Variants in PACS1 observed in about 807,000 individuals in gnomAD.
PACS1 encodes PACS-1.
PACS1 carries 24 observed loss-of-function variants against 115.0 expected under a neutral mutation model. The ratio of observed to expected loss-of-function variants is 0.21; its 90% CI spans 0.15 to 0.29. PACS1 has a LOEUF of 0.29. Ranked by LOEUF, PACS1 falls within the 10% of genes least tolerant of loss-of-function variation. The probability of loss-of-function intolerance (pLI) is 1.00; values close to 1 mark genes in which losing one functional copy is unlikely to be tolerated. For synonymous variants in PACS1, 453 were observed against 504.5 expected (o/e 0.90, Z 1.37); for missense variants, 838 against 1,251.2 (o/e 0.67, Z 4.98).
intron 1 of PACS1, among the ~76,000 whole-genome samples, chr11:66,169,707 G>A (rs1328106646): frequency 1.3e-5 from 2 of 149,222 alleles, no homozygotes; most frequent in Non-Finnish European, 2.9e-5. Flanking sequence ...GAGTCACTGT[G>A]CCCGGCTATT....
chr11:66,240,116 C>T (rs1394032217), intron 21 of PACS1, among the ~76,000 whole-genome samples: 3 of 152,246 alleles, frequency 2.0e-5, no homozygotes, highest in Non-Finnish European at 2.9e-5. Context: ...AAAGAACATG[C>T]GTGTCAGTGC....
At chr11:66,153,819 A>G (rs888528940) in intron 1 of PACS1, among the ~76,000 whole-genome samples, 1 of 152,194 alleles carries the variant, frequency 6.6e-6, no homozygotes, top group Non-Finnish European at 1.5e-5. Context: ...CATAATATGT[A>G]TATAGGTGTA....
intron 1 of PACS1, among the ~76,000 whole-genome samples, chr11:66,131,591 T>C (rs1260642909): frequency 6.6e-6 from 1 of 152,232 alleles, no homozygotes; most frequent in Non-Finnish European, 1.5e-5. Context: ...TCCTTTGGTT[T>C]TTCCATTTAT....
At chr11:66,095,794 A>G (rs1857767606) in intron 1 of PACS1, among the ~76,000 whole-genome samples, 2 of 152,130 alleles carry the variant, frequency 1.3e-5, no homozygotes, top group Non-Finnish European at 2.9e-5. Context: ...AGTTATACAT[A>G]TATTTTAGAG....
chr11:66,129,639 A>C (rs1018916846), intron 1 of PACS1, among the ~76,000 whole-genome samples: 2 of 151,990 alleles, frequency 1.3e-5, no homozygotes, highest in African/African-American at 4.8e-5. Context: ...TTATACACAT[A>C]GTGTGGAATC....
chr11:66,207,415 C>T (rs79905552), intron 2 of PACS1, among the ~76,000 whole-genome samples: 25 of 151,468 alleles, frequency 1.7e-4, no homozygotes, highest in Non-Finnish European at 2.7e-4. Flanking sequence ...TGCAGTGAGC[C>T]GAGATCACAC....
intron 1 of PACS1, among the ~76,000 whole-genome samples, chr11:66,190,533 C>T (rs1367962811): frequency 6.6e-6 from 1 of 152,200 alleles, no homozygotes; most frequent in African/African-American, 2.4e-5. Context: ...TCAAGCGATT[C>T]TCCTGCCTCA....
chr11:66,081,120 C>T (rs891795913), intron 1 of PACS1, among the ~76,000 whole-genome samples: 16 of 151,952 alleles, frequency 1.1e-4, no homozygotes, highest in African/African-American at 3.9e-4. Flanking sequence ...GTGGTCCCAG[C>T]TACTTGGGAG....
At chr11:66,106,912 A>G (rs1383000319) in intron 1 of PACS1, among the ~76,000 whole-genome samples, 1 of 152,140 alleles carries the variant, frequency 6.6e-6, no homozygotes, top group Non-Finnish European at 1.5e-5. Flanking sequence ...CAGGATATCT[A>G]CAGTTGGTGT....
intron 1 of PACS1, among the ~76,000 whole-genome samples, chr11:66,190,036 C>T (rs1039427917): frequency 3.9e-5 from 6 of 152,226 alleles, no homozygotes; most frequent in Non-Finnish European, 5.9e-5. Flanking sequence ...ACCACTCTCA[C>T]TCACCTATCA....
At chr11:66,136,429 T>A (rs1035342756) in intron 1 of PACS1, among the ~76,000 whole-genome samples, 33 of 151,730 alleles carry the variant, frequency 2.2e-4, no homozygotes, top group Admixed American at 2.2e-3. Context: ...TCCTCTAACA[T>A]CCCCACTCCA....
chr11:66,129,455 A>AATTAT (rs1247686602), intron 1 of PACS1, among the ~76,000 whole-genome samples: 1 of 140,396 alleles, frequency 7.1e-6, no homozygotes, highest in Non-Finnish European at 1.5e-5. Context: ...GGTTTAAAAA[A>AATTAT]TATTATTATT....
chr11:66,235,525 A>G lies in PACS1; in HGVS notation c.2207+122A>G. 1.3e-6 allele frequency: 1 copy of G among 743,966 alleles called. No individual in the cohort carries two copies. The allele number at this position is 743,966 out of a possible 1,614,324, so 46.1% of individuals were successfully genotyped here. A position where few individuals can be genotyped will look rare whatever the true frequency, so the allele number is the denominator to read the frequency against. The stretch of plus-strand genomic sequence containing the variant: ...CTATATTCCTTCATAGGAACCCAAA[A>G]GGATATGAGTGGTTTTTACCACCAC... On this transcript the variant is annotated intron_variant, in intron 18 of 23. Coordinates refer to ENST00000320580, the MANE Select transcript of PACS1 (RefSeq NM_018026.4). This position sits in a 1 kb window ranked among gnomAD's most constrained non-coding sequence, Gnocchi z 5.6.
At chr11:66,154,959 G>T (rs1859319106) in intron 1 of PACS1, among the ~76,000 whole-genome samples, 1 of 152,222 alleles carries the variant, frequency 6.6e-6, no homozygotes, top group South Asian at 2.1e-4. Context: ...TAAATGAGAA[G>T]ATGGAATCCA....
intron 1 of PACS1, among the ~76,000 whole-genome samples, chr11:66,183,631 GAAGGTTCTTT>G (rs1429942578): frequency 6.6e-6 from 1 of 152,206 alleles, no homozygotes; most frequent in Non-Finnish European, 1.5e-5. Flanking sequence ...CTTAGCCCAG[GAAGGTTCTTT>G]GCTTTGCTCA....
intron 1 of PACS1, among the ~76,000 whole-genome samples, chr11:66,115,748 G>A (rs1858290924): frequency 6.6e-6 from 1 of 152,136 alleles, no homozygotes; most frequent in Non-Finnish European, 1.5e-5. Flanking sequence ...TTTTTCTTTC[G>A]TATTAGCTGA....
In PACS1 at chr11:66,082,356, A is replaced by C. The variant is rs1857495741; in HGVS notation, c.356+11514A>C. Among the ~76,000 whole-genome samples the C allele has an allele frequency of 2.6e-5, 4 of 152,060 alleles. No individual in the cohort carries two copies. The South Asian group carries it at 8.3e-4, about 32-fold the overall frequency. ...CCTCTAACCTCAGTCTTCCAAGTAA[A>C]GGTCCACATCACCATACCCGGCTAA... On this transcript the variant is annotated intron_variant, in intron 1 of 23. Transcript: ENST00000320580.
chr11:66,136,343 A>G (rs1376800331), intron 1 of PACS1, among the ~76,000 whole-genome samples: 1 of 151,730 alleles, frequency 6.6e-6, no homozygotes, highest in South Asian at 2.1e-4. Context: ...ACACACACAC[A>G]CACACACACA....
At chr11:66,081,083 A>G (rs568774284) in intron 1 of PACS1, among the ~76,000 whole-genome samples, 3 of 152,058 alleles carry the variant, frequency 2.0e-5, no homozygotes, top group Admixed American at 2.0e-4. Flanking sequence ...AGAAAAAAAA[A>G]TTAGCTGGGC....
Sources: gnomAD v4.1 joint callset for allele counts (sites outside exome capture counted in the v4.1 genomes callset) on GRCh38, gnomAD v4.1.1 for gene constraint, Gnocchi (gnomAD v3.1) non-coding constraint, MANE v1.5 for transcripts, NCBI Gene and HGNC (gene_info 2026-07-23, HGNC 2026-07-21) for gene names.